The following VPS13A variants were observed in gnomAD, a reference collection of about 807,000 sequenced individuals.
VPS13A encodes intermembrane lipid transfer protein VPS13A.
In VPS13A, 264 loss-of-function variants were observed where a neutral mutation model predicts 390.9. That is an observed-to-expected ratio of 0.68 (90% CI 0.61 to 0.75). The LOEUF (loss-of-function observed/expected upper bound fraction) is 0.75. Ranked by LOEUF, VPS13A falls within the 30% of genes least tolerant of loss-of-function variation. The pLI is 0.00. For synonymous variants in VPS13A, 1,231 were observed against 1,227.1 expected (o/e 1.00, Z -0.07); for missense variants, 3,409 against 3,733.9 (o/e 0.91, Z 2.27).
chr9:77,328,344 A>C (rs1034480612), intron 45 of VPS13A, among the ~76,000 whole-genome samples: 5 of 152,212 alleles, frequency 3.3e-5, no homozygotes, highest in Admixed American at 3.3e-4. Flanking sequence ...TTTATAGAGC[A>C]CAGAGTAGAG....
chr9:77,368,845 A>C (rs888156804), intron 62 of VPS13A, among the ~76,000 whole-genome samples: 1 of 152,242 alleles, frequency 6.6e-6, no homozygotes, highest in Non-Finnish European at 1.5e-5. Flanking sequence ...AAGAATAGCG[A>C]TCAATAAGCC....
At chr9:77,279,133 G>GC (rs1679210833) in intron 26 of VPS13A, among the ~76,000 whole-genome samples, 1 of 152,234 alleles carries the variant, frequency 6.6e-6, no homozygotes, top group Admixed American at 6.5e-5. Context: ...GGGGGCCATT[G>GC]TGACTGCCTG....
At chr9:77,413,891 C>T (rs1273984884) in intron 71 of VPS13A, among the ~76,000 whole-genome samples, 1 of 151,818 alleles carries the variant, frequency 6.6e-6, no homozygotes, top group Admixed American at 6.6e-5. Flanking sequence ...TCAAACAAAT[C>T]TACAAGAAAA....
chr9:77,397,573 TTC>T (rs1335369054), intron 68 of VPS13A, among the ~76,000 whole-genome samples: 3 of 152,208 alleles, frequency 2.0e-5, no homozygotes, highest in Non-Finnish European at 4.4e-5. Context: ...TGTTAAGGGA[TTC>T]TGTTTCTTCA....
intron 46 of VPS13A, among the ~76,000 whole-genome samples, chr9:77,333,525 C>T (rs1830389275): frequency 6.6e-6 from 1 of 150,554 alleles, no homozygotes; most frequent in South Asian, 2.1e-4. Flanking sequence ...AGCGAGTCTC[C>T]TGCCTCAGCC....
rs1292621744 is a variant in VPS13A, at chr9:77,295,775, A to C, written c.3741A>C (p.Thr1247=). ...TGACAAATACCTTTCATATGATAAC[A>C]GAGAGCCAGAGCTCTCCCCCACCTG... is the stretch of plus-strand genomic sequence containing the variant. ...ITMTNTFHMI[T]ESQSSPPPVI... Residue 1247 remains threonine, a synonymous_variant, in exon 33 of 72, where the codon ACA becomes ACC. Transcript: ENST00000360280. 1 of 1,613,930 alleles carries C rather than the reference A, an allele frequency of 6.2e-7. No homozygotes were observed. Among genetic ancestry groups the C allele is most frequent in the Non-Finnish European group, 8.5e-7 (1 of 1,179,952 alleles).
Position 77,416,612 on chromosome 9 carries a change from ATATAATT to A in VPS13A, c.*612_*618del, listed in dbSNP as rs1010004068. On this transcript the variant is annotated 3_prime_UTR_variant, in exon 72 of 72. Coordinates refer to ENST00000360280, the MANE Select transcript of VPS13A (RefSeq NM_033305.3). ...GCATTATTAAAAACAATCTTTTAAA[ATATAATT>A]TATAACATAGATTGAAGCCTCCCCT... 1 of 152,352 alleles carries A rather than the reference ATATAATT, an allele frequency of 6.6e-6. No homozygotes were observed. The highest frequency in any genetic ancestry group is 6.5e-5 in the Admixed American group (1 of 15,288). The allele number at this position is 152,352 out of a possible 1,614,324, so 9.4% of individuals were successfully genotyped here. A position where few individuals can be genotyped will look rare whatever the true frequency, so the allele number is the denominator to read the frequency against.
intron 22 of VPS13A, among the ~76,000 whole-genome samples, chr9:77,255,059 C>G (rs1420647174): frequency 6.6e-6 from 1 of 152,116 alleles, no homozygotes; most frequent in Non-Finnish European, 1.5e-5. Flanking sequence ...TTGGCATCCT[C>G]ACCTTAATCC....
At chr9:77,410,453 C>T (rs1587735316) in intron 71 of VPS13A, among the ~76,000 whole-genome samples, 2 of 151,524 alleles carry the variant, frequency 1.3e-5, no homozygotes, top group East Asian at 1.9e-4. Context: ...CAATATTAAC[C>T]TTAAATGTAA....
intron 68 of VPS13A, chr9:77,385,167 TA>T (rs1386397544): frequency 2.1e-6 from 2 of 932,072 alleles, no homozygotes; most frequent in Non-Finnish European, 2.6e-6. Flanking sequence ...TTTCTTTTAA[TA>T]ATAATAAACA....
chr9:77,178,118 C>G (rs1823759645), intron 1 of VPS13A: 1 of 348,786 alleles, frequency 2.9e-6, no homozygotes, highest in Admixed American at 4.4e-5. Flanking sequence ...GGGCCGTTCT[C>G]TACCCCTGGC....
intron 21 of VPS13A, among the ~76,000 whole-genome samples, 164 bp downstream of exon 21, chr9:77,250,393 C>A (rs1825088212): frequency 1.3e-5 from 2 of 151,980 alleles, no homozygotes; most frequent in African/African-American, 4.8e-5. Flanking sequence ...AGCAGTCTTG[C>A]CCCCCCAAGA....
At chr9:77,183,782 G>A (rs571614785) in intron 1 of VPS13A, among the ~76,000 whole-genome samples, 23 of 152,330 alleles carry the variant, frequency 1.5e-4, no homozygotes, top group Admixed American at 6.5e-4. Flanking sequence ...TTTGCACACA[G>A]ATGTGCATAG....
rs553193737 is a variant in VPS13A at position 77,288,087 on chromosome 9, G to A, written c.3339+4437G>A. The stretch of plus-strand genomic sequence containing the variant: ...AATCACTGCACTGTTTTTCGTTCCT[G>A]TAGTTTTGCAGTTTCCAAAGTATCA... On this transcript the variant is annotated intron_variant, in intron 31 of 71. Coordinates refer to ENST00000360280, the MANE Select transcript of VPS13A (RefSeq NM_033305.3). Among the ~76,000 whole-genome samples, 9 of 152,130 alleles carry A rather than the reference G, an allele frequency of 5.9e-5. No homozygotes were observed. In the South Asian group the frequency reaches 1.9e-3, roughly 32 times the overall value.
At chr9:77,330,545 T>C (rs982161948) in intron 45 of VPS13A, among the ~76,000 whole-genome samples, 2 of 152,186 alleles carry the variant, frequency 1.3e-5, no homozygotes, top group Non-Finnish European at 1.5e-5. Context: ...TTTAGAAGCA[T>C]GTGTTTCTTA....
At chr9:77,232,400 CT>C (rs1156494939) in intron 17 of VPS13A, among the ~76,000 whole-genome samples, 1 of 152,122 alleles carries the variant, frequency 6.6e-6, no homozygotes, top group African/African-American at 2.4e-5. Context: ...CATGGGATAT[CT>C]TTCCATTTAA....
At chr9:77,361,499 T>A (rs1368749123) in intron 59 of VPS13A, among the ~76,000 whole-genome samples, 1 of 152,156 alleles carries the variant, frequency 6.6e-6, no homozygotes, top group Non-Finnish European at 1.5e-5. Context: ...AATGGACGTT[T>A]GGGTTGTTTA....
chr9:77,386,132 A>G (rs993513744), intron 68 of VPS13A, among the ~76,000 whole-genome samples: 1 of 152,220 alleles, frequency 6.6e-6, no homozygotes, highest in Non-Finnish European at 1.5e-5. Flanking sequence ...ATAAGTACAT[A>G]CAAATAGTGA....
In VPS13A at chr9:77,332,770, C is replaced by A. The variant is rs1020641436; in HGVS notation, c.6095+657C>A. 1.8e-4 allele frequency among the ~76,000 whole-genome samples: 28 copies of A among 152,168 alleles called. No individual in the cohort carries two copies. In the East Asian group the frequency reaches 5.2e-3, roughly 28 times the overall value. On this transcript the variant is annotated intron_variant, in intron 46 of 71. Coordinates refer to ENST00000360280, the MANE Select transcript of VPS13A (RefSeq NM_033305.3). Reference sequence around the variant, plus strand: ...AACCTTATTGGAGAATAAAACTGTTCTCAGAATTAAGCATTGTAGTTTGTT... The same window carrying A: ...AACCTTATTGGAGAATAAAACTGTTATCAGAATTAAGCATTGTAGTTTGTT...
Sources: allele counts gnomAD v4.1 joint callset (sites outside exome capture counted in the v4.1 genomes callset), GRCh38; gene constraint gnomAD v4.1.1; transcripts MANE v1.5; gene names NCBI Gene and HGNC (gene_info 2026-07-23, HGNC 2026-07-21).